Variants in SLC4A10 observed in about 807,000 individuals in gnomAD.
SLC4A10 encodes the protein sodium-driven chloride bicarbonate exchanger.
A neutral mutation model predicts 137.7 loss-of-function variants in SLC4A10; 42 were observed. That is an observed-to-expected ratio of 0.30 (90% CI 0.24 to 0.39). The LOEUF (loss-of-function observed/expected upper bound fraction) is 0.39. Among genes scored for constraint, SLC4A10 ranks in the 10% least tolerant of loss-of-function variants. The probability of loss-of-function intolerance (pLI) is 1.00; values close to 1 mark genes in which losing one functional copy is unlikely to be tolerated. For missense variants in SLC4A10, 925 were observed against 1,355.0 expected (o/e 0.68, Z 4.98); for synonymous variants, 474 against 464.1 (o/e 1.02, Z -0.27).
In SLC4A10 at chr2:161,756,347, A is replaced by G. The variant is rs371463027; in HGVS notation, c.49-14626A>G. On this transcript the variant is annotated intron_variant, in intron 1 of 26. Coordinates refer to ENST00000446997, the MANE Select transcript of SLC4A10 (RefSeq NM_001178015.2). ...CTATATGATATTAACCTGATGAAATAGTATGCAGCAATTAGAAAGTATGAT... is the reference window on the plus strand; with the variant it reads ...CTATATGATATTAACCTGATGAAATGGTATGCAGCAATTAGAAAGTATGAT... 1.3e-4 allele frequency among the ~76,000 whole-genome samples: 20 copies of G among 152,350 alleles called. No individual in the cohort carries two copies. The East Asian group carries it at 3.5e-3, about 26-fold the overall frequency.
chr2:161,664,711 C>CTTTTTT (rs11428885), intron 1 of SLC4A10, among the ~76,000 whole-genome samples: 1 of 148,338 alleles, frequency 6.7e-6, no homozygotes. Context: ...ATTTTTTCTC[C>CTTTTTT]TTTTTTTTTT....
intron 1 of SLC4A10, among the ~76,000 whole-genome samples, chr2:161,752,303 A>G (rs2049071405): frequency 6.6e-6 from 1 of 151,864 alleles, no homozygotes; most frequent in Non-Finnish European, 1.5e-5. Flanking sequence ...TCCTCTCTTG[A>G]AGAAGAGGTC....
chr2:161,823,397 A>G lies in SLC4A10; in HGVS notation c.278-16392A>G, dbSNP rs2057777822. Among the ~76,000 whole-genome samples the G allele has an allele frequency of 3.3e-5, 5 of 152,204 alleles. No individual in the cohort carries two copies. In the South Asian group the frequency reaches 1.0e-3, roughly 32 times the overall value. ...CCACTTAAAACACCTTGTGATGCTA[A>G]TCACGTCTACCTGAGCAGTTCATCT... On this transcript the variant is annotated intron_variant, in intron 3 of 26. Transcript: ENST00000446997.
chr2:161,650,616 G>A (rs1234531782), intron 1 of SLC4A10, among the ~76,000 whole-genome samples: 2 of 152,256 alleles, frequency 1.3e-5, no homozygotes, highest in African/African-American at 2.4e-5. Context: ...AAGCTTGGAA[G>A]TGCCGGCTCC....
chr2:161,851,585 G>A (rs896953167), intron 4 of SLC4A10, among the ~76,000 whole-genome samples: 13 of 152,146 alleles, frequency 8.5e-5, no homozygotes, highest in African/African-American at 3.1e-4. Context: ...GAGCCAAGAT[G>A]AAATGATTTA....
At chr2:161,879,409 AACT>A (rs2061625193) in intron 9 of SLC4A10, 121 bp downstream of exon 9, 1 of 1,026,486 alleles carries the variant, frequency 9.7e-7, no homozygotes, top group Non-Finnish European at 1.4e-6. Flanking sequence ...AAATCCACAA[AACT>A]ACTATTAATT....
chr2:161,907,751 C>A (rs936458706), intron 15 of SLC4A10, among the ~76,000 whole-genome samples: 2 of 152,144 alleles, frequency 1.3e-5, no homozygotes, highest in Non-Finnish European at 2.9e-5. Flanking sequence ...GGACTAGATG[C>A]AAGAGATGCA....
At chr2:161,698,292 C>G (rs1052454369) in intron 1 of SLC4A10, among the ~76,000 whole-genome samples, 1 of 152,100 alleles carries the variant, frequency 6.6e-6, no homozygotes, top group African/African-American at 2.4e-5. Context: ...ATTGAATACC[C>G]TTTATTTCTT....
intron 21 of SLC4A10, among the ~76,000 whole-genome samples, chr2:161,958,935 T>C (rs1395716152): frequency 6.6e-6 from 1 of 152,202 alleles, no homozygotes; most frequent in Non-Finnish European, 1.5e-5. Context: ...ATGTTCATTG[T>C]AACACATACT....
At chr2:161,900,880 A>G in intron 11 of SLC4A10, 31 bp from the exon 12 acceptor site, 3 of 1,456,028 alleles carry the variant, frequency 2.1e-6, no homozygotes, top group Non-Finnish European at 2.8e-6. Context: ...TTAAAACAAA[A>G]CAAAACACAT....
intron 2 of SLC4A10, among the ~76,000 whole-genome samples, chr2:161,778,321 T>C (rs2052619306): frequency 1.3e-5 from 2 of 151,978 alleles, no homozygotes; most frequent in Non-Finnish European, 2.9e-5. Flanking sequence ...ATTATCTTTC[T>C]CCTCTTAACC....
intron 1 of SLC4A10, among the ~76,000 whole-genome samples, chr2:161,734,234 C>T (rs1038535916): frequency 1.3e-5 from 2 of 152,132 alleles, no homozygotes; most frequent in Admixed American, 6.5e-5. Flanking sequence ...TGTGTTCCCA[C>T]CCAAATCTCA....
chr2:161,854,210 A>G (rs1273133441), intron 4 of SLC4A10, among the ~76,000 whole-genome samples: 1 of 152,206 alleles, frequency 6.6e-6, no homozygotes, highest in East Asian at 1.9e-4. Context: ...TCCTAAACGG[A>G]TAAGAATTAA....
chr2:161,773,559 G>A (rs946237121), intron 2 of SLC4A10, among the ~76,000 whole-genome samples: 3 of 151,816 alleles, frequency 2.0e-5, no homozygotes, highest in Non-Finnish European at 2.9e-5. Flanking sequence ...TTGAAAATGA[G>A]TGTTTCTCAG....
At chr2:161,776,661 G>T (rs1332658093) in intron 2 of SLC4A10, among the ~76,000 whole-genome samples, 1 of 151,854 alleles carries the variant, frequency 6.6e-6, no homozygotes, top group Non-Finnish European at 1.5e-5. Flanking sequence ...ACATAGATGT[G>T]CAAATATCTC....
intron 15 of SLC4A10, among the ~76,000 whole-genome samples, chr2:161,925,089 T>G (rs1325873796): frequency 6.6e-6 from 1 of 152,160 alleles, no homozygotes; most frequent in Non-Finnish European, 1.5e-5. Flanking sequence ...GTCATCTCAC[T>G]CTTCTGGCTA....
rs190794536 is a variant in SLC4A10, at chr2:161,747,032, G to A, written c.49-23941G>A. On this transcript the variant is annotated intron_variant, in intron 1 of 26. Coordinates refer to ENST00000446997, the MANE Select transcript of SLC4A10 (RefSeq NM_001178015.2). The stretch of plus-strand genomic sequence containing the variant: ...TGTGATGCCTGGATTTGGGGGAGGA[G>A]TGACACAAGCATTCCCTTGGCTGCC... Among the ~76,000 whole-genome samples the A allele has an allele frequency of 6.6e-5, 10 of 152,184 alleles. No homozygotes were observed. In the East Asian group the frequency reaches 1.9e-3, roughly 29 times the overall value.
intron 15 of SLC4A10, among the ~76,000 whole-genome samples, chr2:161,911,167 G>T (rs1018287568): frequency 6.6e-6 from 1 of 151,746 alleles, no homozygotes; most frequent in Non-Finnish European, 1.5e-5. Flanking sequence ...GACATTACTC[G>T]GCCAATCTTG....
intron 24 of SLC4A10, 45 bp from the exon 25 acceptor site, chr2:161,976,715 A>T (rs1435232931): frequency 2.1e-6 from 2 of 951,612 alleles, no homozygotes; most frequent in Non-Finnish European, 3.1e-6. Context: ...AACTGCAGTT[A>T]CTTATGTAAT....
Sources: gnomAD v4.1 joint callset for allele counts (sites outside exome capture counted in the v4.1 genomes callset) on GRCh38, gnomAD v4.1.1 for gene constraint, MANE v1.5 for transcripts, NCBI Gene and HGNC (gene_info 2026-07-23, HGNC 2026-07-21) for gene names.